SPATS2: variants seen among roughly 807,000 people sequenced by gnomAD.
SPATS2 encodes spermatogenesis-associated serine-rich protein 2.
A neutral mutation model predicts 63.7 loss-of-function variants in SPATS2; 38 were observed. The ratio of observed to expected loss-of-function variants is 0.60; its 90% confidence interval spans 0.46 to 0.78. SPATS2 has a LOEUF of 0.78. SPATS2 is among the 30% of genes least tolerant of loss of function. The pLI, the probability that SPATS2 is intolerant of heterozygous loss-of-function variation, is 0.00. For synonymous variants in SPATS2, 207 were observed against 232.9 expected (o/e 0.89, Z 1.01); for missense variants, 588 against 666.2 (o/e 0.88, Z 1.29).
At chr12:49,461,222 C>T (rs1945816492) in intron 3 of SPATS2, 185 bp downstream of exon 3, 1 of 626,440 alleles carries the variant, frequency 1.6e-6, no homozygotes, top group Admixed American at 3.3e-5. Context: ...AGCTTTTCTA[C>T]TCACACAAAC....
chr12:49,439,319 C>T (rs1945375000), intron 2 of SPATS2, among the ~76,000 whole-genome samples: 1 of 152,064 alleles, frequency 6.6e-6, no homozygotes, highest in Non-Finnish European at 1.5e-5. Context: ...ATGGGGAGCA[C>T]TGAAGGGTTT....
intron 4 of SPATS2, 36 bp from the exon 5 acceptor site, chr12:49,489,429 A>G (rs1946348364): frequency 1.3e-6 from 2 of 1,562,828 alleles, no homozygotes; most frequent in Non-Finnish European, 1.8e-6. Context: ...GTGACCTACT[A>G]ATGTTAGAAT....
At chr12:49,457,880 C>T (rs1237570484) in intron 2 of SPATS2, among the ~76,000 whole-genome samples, 1 of 152,114 alleles carries the variant, frequency 6.6e-6, no homozygotes, top group Non-Finnish European at 1.5e-5. Context: ...TGTATATTTC[C>T]ATAGGCTTTG....
At chr12:49,383,436 G>A (rs920187589) in intron 2 of SPATS2, among the ~76,000 whole-genome samples, 5 of 150,560 alleles carry the variant, frequency 3.3e-5, no homozygotes, top group African/African-American at 9.8e-5. Context: ...TTTGAGACAC[G>A]GTTTTGCTCT....
intron 9 of SPATS2, chr12:49,513,045 A>G (rs199910574): frequency 5.2e-6 from 3 of 580,460 alleles, no homozygotes; most frequent in African/African-American, 3.9e-5. Context: ...CGTAACGATT[A>G]TCAAACCTAT....
At position 49,526,439 on chromosome 12, in the gene SPATS2, A is replaced by G. The variant is rs1947037563; in HGVS notation, c.*184A>G. 1.4e-6 allele frequency: 1 copy of G among 736,182 alleles called. No individual in the cohort carries two copies. Among genetic ancestry groups the G allele is most frequent in the East Asian group, 2.8e-5 (1 of 35,264 alleles). 45.6% of individuals were successfully genotyped at this position (736,182 alleles called of 1,614,324 possible). A position where few individuals can be genotyped will look rare whatever the true frequency, so the allele number is the denominator to read the frequency against. ...CTTTACCATTTTTGGAGGGGAAGCT[A>G]TTTTTTTTCCTTGATCTTTCCCAGT... On this transcript the variant is annotated 3_prime_UTR_variant, in exon 14 of 14. Coordinates refer to ENST00000552918, the MANE Select transcript of SPATS2 (RefSeq NM_023071.4).
At chr12:49,518,262 G>T (rs1946883002) in intron 10 of SPATS2, among the ~76,000 whole-genome samples, 1 of 152,206 alleles carries the variant, frequency 6.6e-6, no homozygotes, top group Non-Finnish European at 1.5e-5. Context: ...CATTCGTTGG[G>T]TGGTTTATCT....
intron 2 of SPATS2, among the ~76,000 whole-genome samples, chr12:49,456,890 C>T (rs1203115124): frequency 6.6e-6 from 1 of 151,922 alleles, no homozygotes; most frequent in Non-Finnish European, 1.5e-5. Context: ...TTTTTGTTCC[C>T]TAATGTTATC....
chr12:49,407,001 A>G (rs1944708899), intron 2 of SPATS2, among the ~76,000 whole-genome samples: 1 of 152,212 alleles, frequency 6.6e-6, no homozygotes, highest in Admixed American at 6.5e-5. Flanking sequence ...CACACTTCAT[A>G]TGTGTCTCCA....
chr12:49,457,689 TC>T (rs1462769827), intron 2 of SPATS2, among the ~76,000 whole-genome samples: 1 of 152,166 alleles, frequency 6.6e-6, no homozygotes, highest in African/African-American at 2.4e-5. Context: ...TGCTTCAGCC[TC>T]CCAAAGTGCT....
chr12:49,405,705 A>G (rs1944681779), intron 2 of SPATS2, among the ~76,000 whole-genome samples: 1 of 152,148 alleles, frequency 6.6e-6, no homozygotes, highest in African/African-American at 2.4e-5. Flanking sequence ...ACAGAGCGAG[A>G]CTGTCTCAAA....
intron 9 of SPATS2, among the ~76,000 whole-genome samples, chr12:49,511,262 A>AAAGG (rs1023628738): frequency 6.6e-6 from 1 of 152,206 alleles, no homozygotes; most frequent in Non-Finnish European, 1.5e-5. Context: ...GAAGTCCTGA[A>AAAGG]AAGGAAGGAA....
chr12:49,489,443 A>G, intron 4 of SPATS2, 22 bp from the exon 5 acceptor site: 1 of 1,602,916 alleles, frequency 6.2e-7, no homozygotes, highest in Non-Finnish European at 8.5e-7. Context: ...TTAGAATTAA[A>G]TGACCCTGTC....
chr12:49,486,069 A>AT (rs1210851140), intron 4 of SPATS2, among the ~76,000 whole-genome samples: 1 of 151,436 alleles, frequency 6.6e-6, no homozygotes, highest in African/African-American at 2.4e-5. Flanking sequence ...TCTCTGTCTT[A>AT]TTTAAAAAAA....
In SPATS2 at chr12:49,467,347, C is replaced by T. The variant is rs191321292; in HGVS notation, c.25+6310C>T. On this transcript the variant is annotated intron_variant, in intron 3 of 13. Coordinates refer to ENST00000552918, the MANE Select transcript of SPATS2 (RefSeq NM_023071.4). The stretch of plus-strand genomic sequence containing the variant: ...AAAGTGCTGGGATTATAGGCGTGAG[C>T]CACTGCGCCTGTCCCAGATATGTAT... 3.9e-5 allele frequency among the ~76,000 whole-genome samples: 6 copies of T among 152,058 alleles called. No homozygotes were observed. The East Asian group carries it at 9.7e-4, about 25-fold the overall frequency.
chr12:49,502,741 G>A (rs558100975), intron 9 of SPATS2, among the ~76,000 whole-genome samples: 7 of 152,282 alleles, frequency 4.6e-5, no homozygotes, highest in Admixed American at 1.3e-4. Flanking sequence ...ACAGCCATAA[G>A]CCACTGCGCC....
At chr12:49,366,928 T>C (rs1943906174), upstream of SPATS2, 1 of 151,814 alleles carries the variant, frequency 6.6e-6, no homozygotes, top group Non-Finnish European at 1.5e-5. Flanking sequence ...GGGTACGAGC[T>C]GTGCTGCACG....
chr12:49,416,261 G>C (rs1030752147), intron 2 of SPATS2, among the ~76,000 whole-genome samples: 1 of 151,970 alleles, frequency 6.6e-6, no homozygotes, highest in East Asian at 1.9e-4. Flanking sequence ...CCTCACCAGC[G>C]TCTCTTATGC....
chr12:49,389,117 A>G (rs1390703477), intron 2 of SPATS2, among the ~76,000 whole-genome samples: 1 of 152,180 alleles, frequency 6.6e-6, no homozygotes, highest in Non-Finnish European at 1.5e-5. Flanking sequence ...ACTGAAGTCC[A>G]AGATTAATAT....
Sources: gnomAD v4.1 joint callset for allele counts (sites outside exome capture counted in the v4.1 genomes callset) on GRCh38, gnomAD v4.1.1 for gene constraint, MANE v1.5 for transcripts, NCBI Gene and HGNC (gene_info 2026-07-23, HGNC 2026-07-21) for gene names.